XRCC4: variants seen among roughly 807,000 people sequenced by gnomAD.
XRCC4 encodes X-ray repair cross complementing 4.
In XRCC4, 28 loss-of-function variants were observed where a neutral mutation model predicts 39.1. The observed-to-expected ratio is 0.72, with a 90% CI of 0.53 to 0.98. XRCC4 has a LOEUF of 0.98. Among genes scored for constraint, XRCC4 ranks in the 50% least tolerant of loss-of-function variants. The probability of loss-of-function intolerance (pLI) is 0.00; values close to 1 mark genes in which losing one functional copy is unlikely to be tolerated. For synonymous variants in XRCC4, 123 were observed against 126.4 expected (o/e 0.97, Z 0.18); for missense variants, 350 against 376.4 (o/e 0.93, Z 0.58).
At chr5:83,105,449 G>A (rs1746153312) in intron 2 of XRCC4, among the ~76,000 whole-genome samples, 1 of 152,046 alleles carries the variant, frequency 6.6e-6, no homozygotes, top group Non-Finnish European at 1.5e-5. Flanking sequence ...ATGGGGTAGT[G>A]GTGGGTTATT....
chr5:83,363,184 T>C, the XRCC4 span, among the ~76,000 whole-genome samples: 1 of 152,118 alleles, frequency 6.6e-6, no homozygotes, highest in East Asian at 1.9e-4. Context: ...GAGAAGGAGA[T>C]AGATGAAGTT....
chr5:83,361,765 G>C, the XRCC4 span, among the ~76,000 whole-genome samples: 8 of 151,912 alleles, frequency 5.3e-5, no homozygotes, highest in Non-Finnish European at 1.2e-4. Flanking sequence ...GGAATTATAG[G>C]CATCTGCCAC....
chr5:83,085,366 C>CAGT (rs1476489269), intron 1 of XRCC4, among the ~76,000 whole-genome samples: 1 of 152,096 alleles, frequency 6.6e-6, no homozygotes, highest in Admixed American at 6.5e-5. Context: ...GCATTGGACA[C>CAGT]AGTATATCAA....
At chr5:83,144,639 A>C (rs1347062202) in intron 3 of XRCC4, among the ~76,000 whole-genome samples, 1 of 128,314 alleles carries the variant, frequency 7.8e-6, no homozygotes, top group East Asian at 2.3e-4. Flanking sequence ...ATTCTTGGCT[A>C]TTATTTTTAA....
chr5:83,200,054 C>T (rs941190886), intron 4 of XRCC4, among the ~76,000 whole-genome samples: 2 of 152,092 alleles, frequency 1.3e-5, no homozygotes, highest in Non-Finnish European at 2.9e-5. Context: ...TCTCACCTAA[C>T]AGTTCCTGTC....
intron 1 of XRCC4, among the ~76,000 whole-genome samples, chr5:83,094,359 T>TTC (rs1280829794): frequency 2.9e-5 from 3 of 102,674 alleles, no homozygotes; most frequent in African/African-American, 1.2e-4. Flanking sequence ...TCTCTTCCCC[T>TTC]CCTTTCCCCT....
chr5:83,125,502 A>G (rs1395563807), intron 3 of XRCC4, among the ~76,000 whole-genome samples: 1 of 152,218 alleles, frequency 6.6e-6, no homozygotes, highest in African/African-American at 2.4e-5. Flanking sequence ...ATGAATGTCA[A>G]TTGTTCTAAC....
chr5:83,178,461 A>C (rs1011984741), intron 3 of XRCC4, among the ~76,000 whole-genome samples: 1 of 152,160 alleles, frequency 6.6e-6, no homozygotes, highest in Non-Finnish European at 1.5e-5. Context: ...CCAAAACACT[A>C]CTACAAAAAG....
intron 7 of XRCC4, among the ~76,000 whole-genome samples, chr5:83,276,090 A>G (rs1177873493): frequency 2.6e-5 from 4 of 152,184 alleles, no homozygotes; most frequent in Admixed American, 1.3e-4. Context: ...AGCAATATAC[A>G]TTCAGTAGAA....
At chr5:83,221,317 CA>C (rs1186140093) in intron 6 of XRCC4, among the ~76,000 whole-genome samples, 1 of 152,046 alleles carries the variant, frequency 6.6e-6, no homozygotes, top group Non-Finnish European at 1.5e-5. Context: ...CTATTATTAT[CA>C]CCCATTACAA....
intron 3 of XRCC4, among the ~76,000 whole-genome samples, chr5:83,141,331 T>C (rs767954858): frequency 6.6e-6 from 1 of 152,196 alleles, no homozygotes; most frequent in Non-Finnish European, 1.5e-5. Context: ...ACATGTGTGA[T>C]TGGTAGATCA....
intron 6 of XRCC4, among the ~76,000 whole-genome samples, chr5:83,215,030 A>G (rs759437793): frequency 2.6e-5 from 4 of 152,016 alleles, no homozygotes; most frequent in Non-Finnish European, 5.9e-5. Context: ...TCTTATATTT[A>G]TAGATTAGAA....
At position 83,104,907 on chromosome 5, in the gene XRCC4, C is replaced by T. The variant is rs779181038; in HGVS notation, c.-10-3C>T. 4 of 1,610,712 alleles carry T rather than the reference C, an allele frequency of 2.5e-6. No homozygotes were observed. The highest frequency in any genetic ancestry group is 1.1e-5 in the South Asian group (1 of 90,956). On this transcript the variant is annotated splice_region_variant and splice_polypyrimidine_tract_variant and intron_variant, in intron 1 of 7. Coordinates refer to ENST00000396027, the MANE Select transcript of XRCC4 (RefSeq NM_003401.5). ...AAATATTAATTGTATTCTCCCATTA[C>T]AGGTATTAAGAAATGGAGAGAAAAA...
chr5:83,091,198 A>G (rs1387893704), intron 1 of XRCC4, among the ~76,000 whole-genome samples: 1 of 152,186 alleles, frequency 6.6e-6, no homozygotes. Flanking sequence ...GACTAGGTAA[A>G]TTATAAGGAA....
chr5:83,141,427 A>G (rs538080556), intron 3 of XRCC4, among the ~76,000 whole-genome samples: 1 of 152,308 alleles, frequency 6.6e-6, no homozygotes, highest in African/African-American at 2.4e-5. Flanking sequence ...CACTAGTAAC[A>G]TATGAAATTG....
chr5:83,373,856 A>G, the XRCC4 span, among the ~76,000 whole-genome samples: 1 of 152,158 alleles, frequency 6.6e-6, no homozygotes, highest in Non-Finnish European at 1.5e-5. Context: ...TTTAAGTCCA[A>G]TGATATGGTT....
chr5:83,179,052 C>A (rs974584782), intron 3 of XRCC4, among the ~76,000 whole-genome samples: 1 of 152,184 alleles, frequency 6.6e-6, no homozygotes, highest in Admixed American at 6.6e-5. Context: ...CTGCCATGTA[C>A]TACTACAGCA....
chr5:83,081,232 T>C (rs1373164365), intron 1 of XRCC4, among the ~76,000 whole-genome samples: 1 of 152,232 alleles, frequency 6.6e-6, no homozygotes, highest in Non-Finnish European at 1.5e-5. Flanking sequence ...ACTTTGTTGC[T>C]AGTGTTAATG....
chr5:83,241,488 T>C (rs1211188629), intron 6 of XRCC4, among the ~76,000 whole-genome samples: 2 of 152,206 alleles, frequency 1.3e-5, no homozygotes, highest in African/African-American at 4.8e-5. Flanking sequence ...CACTGATCTT[T>C]TTTTTCTTCT....
Sources: allele counts gnomAD v4.1 joint callset (sites outside exome capture counted in the v4.1 genomes callset), GRCh38; gene constraint gnomAD v4.1.1; transcripts MANE v1.5; gene names NCBI Gene and HGNC (gene_info 2026-07-23, HGNC 2026-07-21).